CRK: variants seen among roughly 807,000 people sequenced by gnomAD.
The protein encoded by CRK is adapter molecule crk.
Under a neutral mutation model 29.8 loss-of-function variants are expected in CRK, and 4 were observed. The ratio of observed to expected loss-of-function variants is 0.13; its 90% CI spans 0.07 to 0.31. The LOEUF (loss-of-function observed/expected upper bound fraction) is 0.31. CRK is among the 10% of genes least tolerant of loss of function. The pLI, the probability that CRK is intolerant of heterozygous loss-of-function variation, is 1.00. For synonymous variants in CRK, 153 were observed against 164.9 expected, an observed-to-expected ratio of 0.93 and a Z score of 0.55; for missense variants, 274 against 396.5, an observed-to-expected ratio of 0.69 and a Z score of 2.62.
intron 2 of CRK, among the ~76,000 whole-genome samples, chr17:1,429,329 C>T (rs1435328061): frequency 6.6e-6 from 1 of 152,020 alleles, no homozygotes; most frequent in Admixed American, 6.6e-5. Context: ...CTCACCCAGG[C>T]TGGAGTGCAG....
chr17:1,443,768 C>T (rs1250484326), intron 1 of CRK, among the ~76,000 whole-genome samples: 3 of 146,266 alleles, frequency 2.1e-5, no homozygotes, highest in Non-Finnish European at 3.0e-5. Context: ...GGCAGGATCT[C>T]GGCTCAATGC....
rs781014005 is a variant in CRK, at chr17:1,437,144, A to T, written c.253T>A (p.Ser85Thr). 6.2e-7 allele frequency: 1 copy of T among 1,606,828 alleles called. No homozygotes were observed. Among genetic ancestry groups the T allele is most frequent in the Non-Finnish European group, 8.5e-7 (1 of 1,175,082 alleles). Residue 85 changes from serine (S) to threonine (T), a missense_variant, in exon 2 of 3, where the codon TCC (serine) becomes ACC (threonine). By Grantham distance (58) the Ser-to-Thr change is moderately conservative. Transcript: ENST00000300574. Reference protein sequence around the residue: ...PAQPPPGVSPSRLRIGDQEFD... With the variant: ...PAQPPPGVSPTRLRIGDQEFD... ...TCTTGATCTCCTATTCGGAGTCTGG[A>T]GGGGCTCACCCCTGGAAAAAACAGA...
chr17:1,427,544 G>C (rs1299228170), intron 2 of CRK, among the ~76,000 whole-genome samples: 4 of 151,918 alleles, frequency 2.6e-5, no homozygotes, highest in Admixed American at 6.6e-5. Context: ...AGTGAGCCGA[G>C]ATCACGCCAC....
rs142124250 is a variant in CRK at position 1,433,417 on chromosome 17, G to A, written c.777+3203C>T. Among the ~76,000 whole-genome samples, 1,074 of 151,684 alleles carry A rather than the reference G, an allele frequency of 7.1e-3. 8 individuals carry two copies. The highest frequency in any genetic ancestry group is 0.03 in the South Asian group (145 of 4,816). On this transcript the variant is annotated intron_variant, in intron 2 of 2. Transcript: ENST00000300574. ...GAGCAAGTACAGAGAGGCAGCACAGGAGCCTTCTCTTCCAACCTCCTAGGC... is the reference window on the plus strand; with the variant it reads ...GAGCAAGTACAGAGAGGCAGCACAGAAGCCTTCTCTTCCAACCTCCTAGGC...
At chr17:1,430,579 A>C (rs1174836335) in intron 2 of CRK, among the ~76,000 whole-genome samples, 4 of 132,580 alleles carry the variant, frequency 3.0e-5, no homozygotes, top group Admixed American at 1.5e-4. Flanking sequence ...ATTAGCCAGG[A>C]TGGTCTCCAT....
At chr17:1,434,170 G>GTATCTAGGGCT (rs534071902) in intron 2 of CRK, among the ~76,000 whole-genome samples, 7 of 152,106 alleles carry the variant, frequency 4.6e-5, no homozygotes, top group Non-Finnish European at 1.0e-4. Flanking sequence ...AACAGGTAGT[G>GTATCTAGGGCT]TATCTAGGGC....
chr17:1,441,013 G>A (rs2073931284), intron 1 of CRK, among the ~76,000 whole-genome samples: 1 of 152,216 alleles, frequency 6.6e-6, no homozygotes, highest in Non-Finnish European at 1.5e-5. Flanking sequence ...TCAGCTGAGT[G>A]CAACCTCTAC....
chr17:1,423,933 T>C (rs747729442), intron 2 of CRK, among the ~76,000 whole-genome samples: 17 of 152,236 alleles, frequency 1.1e-4, no homozygotes, highest in Non-Finnish European at 1.6e-4. Context: ...GTGATAATTA[T>C]TGGAAATCTC....
chr17:1,435,229 T>G (rs569988010), intron 2 of CRK, among the ~76,000 whole-genome samples: 1 of 152,014 alleles, frequency 6.6e-6, no homozygotes, highest in East Asian at 1.9e-4. Flanking sequence ...CCAGCTAATT[T>G]TTTGTAGAGA....
chr17:1,438,128 T>C (rs982646841), intron 1 of CRK, among the ~76,000 whole-genome samples: 1 of 152,078 alleles, frequency 6.6e-6, no homozygotes, highest in Non-Finnish European at 1.5e-5. Context: ...CTATCTCTTG[T>C]TGTGGTTTTC....
Position 1,436,811 on chromosome 17 carries a change from A to T in CRK, c.586T>A (p.Ser196Thr). Residue 196 changes from serine to threonine, a missense_variant, in exon 2 of 3, where the codon TCA (serine) becomes ACA (threonine). Physicochemically the swap from Ser to Thr is moderately conservative, Grantham distance 58. Around this residue, in one of 3 missense-constraint regions of CRK, gnomAD observed 121 missense variants for 154.3 expected, o/e 0.78. Transcript: ENST00000300574. ...TTACCTCCAATCAGAGCCGATACTGAGGCGGAGGCAGGTCTATACTTCTCG... is the reference window on the plus strand; with the variant it reads ...TTACCTCCAATCAGAGCCGATACTGTGGCGGAGGCAGGTCTATACTTCTCG... ...YVEKYRPASA[S>T]VSALIGGNQE... 6.3e-7 allele frequency: 1 copy of T among 1,581,202 alleles called. No homozygotes were observed. The highest frequency in any genetic ancestry group is 8.6e-7 in the Non-Finnish European group (1 of 1,164,660).
rs559381845 is a variant in CRK at position 1,444,493 on chromosome 17, C to A, written c.242-7338G>T. On this transcript the variant is annotated intron_variant, in intron 1 of 2. Coordinates refer to ENST00000300574, the MANE Select transcript of CRK (RefSeq NM_016823.4). Reference sequence around the variant, plus strand: ...TGAGTCAAGACTGCGCCACTGCCCTCCAGCCTGGGTAACAGAGGGAGAGCC... The same window carrying A: ...TGAGTCAAGACTGCGCCACTGCCCTACAGCCTGGGTAACAGAGGGAGAGCC... 2.6e-5 allele frequency among the ~76,000 whole-genome samples: 4 copies of A among 151,628 alleles called. No homozygotes were observed. In the South Asian group the frequency reaches 6.2e-4, roughly 24 times the overall value.
At chr17:1,454,455 G>C (rs545493426) in intron 1 of CRK, among the ~76,000 whole-genome samples, 73 of 152,280 alleles carry the variant, frequency 4.8e-4, no homozygotes, top group African/African-American at 1.6e-3. Context: ...CAGGAGAATC[G>C]CCGTGAGCCG....
chr17:1,445,145 C>CAAAAAA (rs35590167), intron 1 of CRK, among the ~76,000 whole-genome samples: 1 of 140,536 alleles, frequency 7.1e-6, no homozygotes, highest in Non-Finnish European at 1.5e-5. Context: ...GAGACACCGT[C>CAAAAAA]AAAAAAAAAA....
chr17:1,430,532 ATTT>A (rs781366758), intron 2 of CRK, among the ~76,000 whole-genome samples: 1 of 127,440 alleles, frequency 7.8e-6, no homozygotes, highest in Non-Finnish European at 1.7e-5. Context: ...AATTTTTTGT[ATTT>A]TTTTTTTTTT....
In CRK at chr17:1,456,172, CCCCGGCG is replaced by C. The variant is rs1329655332; in HGVS notation, c.-62_-56del. 2 of 1,384,566 alleles carry C rather than the reference CCCCGGCG, an allele frequency of 1.4e-6. No homozygotes were observed. Among genetic ancestry groups the C allele is most frequent in the Non-Finnish European group, 1.9e-6 (2 of 1,073,448 alleles). The allele number at this position is 1,384,566 out of a possible 1,614,324, so 85.8% of individuals were successfully genotyped here. ...CCGCCGCCGCGCGCGCCCCTCCGGCCCCCGGCGCCCGCCGCCCAGCGGACCGGCTCCG... is the reference window on the plus strand; with the variant it reads ...CCGCCGCCGCGCGCGCCCCTCCGGCCCCCGCCGCCCAGCGGACCGGCTCCG... On this transcript the variant is annotated 5_prime_UTR_variant, in exon 1 of 3. Coordinates refer to ENST00000300574, the MANE Select transcript of CRK (RefSeq NM_016823.4).
Position 1,436,817 on chromosome 17 carries a change from A to G in CRK, c.580T>C (p.Ser194Pro). The G allele has an allele frequency of 6.3e-7, 1 of 1,584,300 alleles. No homozygotes were observed. Among genetic ancestry groups the G allele is most frequent in the Non-Finnish European group, 8.6e-7 (1 of 1,165,888 alleles). ...CCAATCAGAGCCGATACTGAGGCGGAGGCAGGTCTATACTTCTCGACGTAA... is the reference window on the plus strand; with the variant it reads ...CCAATCAGAGCCGATACTGAGGCGGGGGCAGGTCTATACTTCTCGACGTAA... ...VPYVEKYRPA[S>P]ASVSALIGGN... Residue 194 changes from serine to proline, a missense_variant, in exon 2 of 3, where the codon TCC becomes CCC. By Grantham distance (74) the Ser-to-Pro change is moderately conservative. This residue lies in a region of CRK where 121 missense variants were observed against 154.3 expected (regional missense o/e 0.78). Transcript: ENST00000300574.
At position 1,422,186 on chromosome 17, in the gene CRK, C is replaced by T. The variant is rs1428451503; in HGVS notation, c.*1327G>A. The stretch of plus-strand genomic sequence containing the variant: ...TTTTTCCTTTTTTTTTTTTTTGAGA[C>T]TGAGTCTTGCCCTGTCGCTCAGGCT... On this transcript the variant is annotated 3_prime_UTR_variant, in exon 3 of 3. Coordinates refer to ENST00000300574, the MANE Select transcript of CRK (RefSeq NM_016823.4). 7.4e-6 allele frequency: 1 copy of T among 135,714 alleles called. No individual in the cohort carries two copies. The highest frequency in any genetic ancestry group is 2.2e-4 in the East Asian group (1 of 4,622). The allele number at this position is 135,714 out of a possible 1,614,324, so 8.4% of individuals were successfully genotyped here.
intron 2 of CRK, among the ~76,000 whole-genome samples, chr17:1,431,016 C>T (rs576975766): frequency 1.3e-5 from 2 of 151,698 alleles, no homozygotes; most frequent in East Asian, 1.9e-4. Flanking sequence ...CGCAGTGAGC[C>T]GAGATCACGC....
Sources: gnomAD v4.1 joint callset for allele counts (sites outside exome capture counted in the v4.1 genomes callset) on GRCh38, gnomAD v4.1.1 for gene constraint, gnomAD v4.1.1 regional missense constraint, MANE v1.5 for transcripts, NCBI Gene and HGNC (gene_info 2026-07-23, HGNC 2026-07-21) for gene names.